TSPAN2: variants seen among roughly 807,000 people sequenced by gnomAD.
TSPAN2 encodes tetraspanin 2, also known as tetraspanin-2.
In TSPAN2, 24 loss-of-function variants were observed where a neutral mutation model predicts 33.3. The observed-to-expected ratio is 0.72, with a 90% CI of 0.52 to 1.01. The LOEUF (loss-of-function observed/expected upper bound fraction) is 1.01. TSPAN2 is among the 50% of genes least tolerant of loss of function. The pLI, the probability that TSPAN2 is intolerant of heterozygous loss-of-function variation, is 0.00. For synonymous variants in TSPAN2, 114 were observed against 104.5 expected (o/e 1.09, Z -0.56); for missense variants, 278 against 281.3 (o/e 0.99, Z 0.08).
chr1:115,054,294 C>T (rs2101022153), intron 6 of TSPAN2, among the ~76,000 whole-genome samples: 1 of 152,332 alleles, frequency 6.6e-6, no homozygotes, highest in African/African-American at 2.4e-5. Context: ...AAAACCCTTA[C>T]TTCTCTCTTC....
chr1:115,052,645 C>T (rs949766334), intron 7 of TSPAN2, among the ~76,000 whole-genome samples: 3 of 152,146 alleles, frequency 2.0e-5, no homozygotes, highest in Middle Eastern at 3.2e-3. Flanking sequence ...TCCATTCTTC[C>T]CACACACTCT....
At chr1:115,057,344 T>G (rs1647469923) in intron 6 of TSPAN2, among the ~76,000 whole-genome samples, 193 bp downstream of exon 6, 1 of 152,216 alleles carries the variant, frequency 6.6e-6, no homozygotes, top group African/African-American at 2.4e-5. Flanking sequence ...TAACATCTCT[T>G]GCTAACAACA....
intron 1 of TSPAN2, among the ~76,000 whole-genome samples, chr1:115,081,235 G>T (rs185239608): frequency 1.4e-4 from 22 of 152,250 alleles, no homozygotes; most frequent in African/African-American, 5.3e-4. Context: ...GTGCAGCACT[G>T]GTCCATTCAC....
intron 6 of TSPAN2, among the ~76,000 whole-genome samples, chr1:115,056,540 C>T (rs964933027): frequency 6.6e-6 from 1 of 152,190 alleles, no homozygotes; most frequent in African/African-American, 2.4e-5. Flanking sequence ...GCAGGCCTCC[C>T]CCTCCCGCTT....
At chr1:115,066,694 AT>A (rs1219561457) in intron 2 of TSPAN2, among the ~76,000 whole-genome samples, 1 of 152,094 alleles carries the variant, frequency 6.6e-6, no homozygotes, top group Non-Finnish European at 1.5e-5. Flanking sequence ...TTTATTTGAA[AT>A]TTTTTTATGT....
chr1:115,075,160 C>G (rs1403952632), intron 1 of TSPAN2, among the ~76,000 whole-genome samples: 1 of 152,140 alleles, frequency 6.6e-6, no homozygotes, highest in Non-Finnish European at 1.5e-5. Flanking sequence ...AGACAGAATA[C>G]ATTTGTCCAG....
intron 3 of TSPAN2, among the ~76,000 whole-genome samples, chr1:115,060,801 T>C (rs1041679735): frequency 7.2e-5 from 11 of 152,258 alleles, no homozygotes; most frequent in Admixed American, 6.5e-4. Flanking sequence ...ACGATAACTG[T>C]GTAAAGAAGT....
chr1:115,072,480 C>T, intron 2 of TSPAN2, among the ~76,000 whole-genome samples: 1 of 152,188 alleles, frequency 6.6e-6, no homozygotes, highest in East Asian at 1.9e-4. Context: ...TACAGGGGTC[C>T]CGTGTCACCC....
chr1:115,051,689 T>C (rs1326696249), intron 7 of TSPAN2, among the ~76,000 whole-genome samples: 1 of 152,142 alleles, frequency 6.6e-6, no homozygotes, highest in Non-Finnish European at 1.5e-5. Context: ...GATCTGTAAG[T>C]GCTAAATTCA....
intron 1 of TSPAN2, among the ~76,000 whole-genome samples, chr1:115,085,632 C>T (rs1648804390): frequency 6.6e-6 from 1 of 152,142 alleles, no homozygotes; most frequent in African/African-American, 2.4e-5. Flanking sequence ...TATCCCCCAC[C>T]CCTTTCCCAA....
Position 115,089,408 on chromosome 1 carries a change from G to A in TSPAN2, c.25C>T (p.Arg9Trp), listed in dbSNP as rs1161475718. 35 of 1,587,896 alleles carry A rather than the reference G, an allele frequency of 2.2e-5. No individual in the cohort carries two copies. Among genetic ancestry groups the A allele is most frequent in the Non-Finnish European group, 2.8e-5 (33 of 1,168,832 alleles). Residue 9 changes from arginine to tryptophan, a missense_variant, in exon 1 of 8, where the codon CGG (arginine) becomes TGG (tryptophan). Physicochemically the swap from Arg to Trp is moderately radical, Grantham distance 101. Transcript: ENST00000369516. ...CCAAGCAGCAGGTACTTGATGCACC[G>A]CAGGCCCCCGCGGAAGCGCCCCATG... MGRFRGGLRCIKYLLLGFN... is the reference protein window; with the variant it reads MGRFRGGLWCIKYLLLGFN...
At chr1:115,086,132 A>G (rs1283961793) in intron 1 of TSPAN2, among the ~76,000 whole-genome samples, 3 of 152,220 alleles carry the variant, frequency 2.0e-5, no homozygotes, top group Non-Finnish European at 4.4e-5. Context: ...CTATGTGCCG[A>G]TAACAAAAAT....
At position 115,048,267 on chromosome 1, in the gene TSPAN2, G is replaced by A. The variant is rs1404639058; in HGVS notation, c.*2223C>T. On this transcript the variant is annotated 3_prime_UTR_variant, in exon 8 of 8. Coordinates refer to ENST00000369516, the MANE Select transcript of TSPAN2 (RefSeq NM_005725.6). ...ATATTTGTAGATTCAAGATATATAG[G>A]GATTATATATCTATATATATTATAT... 2.8e-5 allele frequency: 4 copies of A among 140,848 alleles called. No individual in the cohort carries two copies. Among genetic ancestry groups the A allele is most frequent in the African/African-American group, 2.6e-5 (1 of 38,042 alleles). 8.7% of individuals were successfully genotyped at this position (140,848 alleles called of 1,614,324 possible).
At chr1:115,080,438 A>AT (rs1486311047) in intron 1 of TSPAN2, among the ~76,000 whole-genome samples, 1 of 151,794 alleles carries the variant, frequency 6.6e-6, no homozygotes, top group Non-Finnish European at 1.5e-5. Flanking sequence ...ACATCCAGCT[A>AT]TTTTTTTCTA....
chr1:115,088,601 C>G (rs1648931191), intron 1 of TSPAN2, among the ~76,000 whole-genome samples: 1 of 152,108 alleles, frequency 6.6e-6, no homozygotes, highest in African/African-American at 2.4e-5. Context: ...AACCATGAAT[C>G]CTGGGAACGC....
intron 1 of TSPAN2, among the ~76,000 whole-genome samples, chr1:115,081,945 T>C (rs1311410178): frequency 6.6e-6 from 1 of 152,238 alleles, no homozygotes; most frequent in Non-Finnish European, 1.5e-5. Context: ...AGAAAGTCAG[T>C]AGCCTTTTGT....
At chr1:115,073,722 C>T (rs1289416985) in intron 1 of TSPAN2, among the ~76,000 whole-genome samples, 1 of 151,632 alleles carries the variant, frequency 6.6e-6, no homozygotes, top group Non-Finnish European at 1.5e-5. Context: ...TCTGAAAAAG[C>T]GTGGTCTGTG....
chr1:115,049,160 GC>G lies in TSPAN2; in HGVS notation c.*1329del, dbSNP rs1675241629. 1 of 152,060 alleles carries G rather than the reference GC, an allele frequency of 6.6e-6. No homozygotes were observed. The highest frequency in any genetic ancestry group is 6.5e-5 in the Admixed American group (1 of 15,274). 9.4% of individuals were successfully genotyped at this position (152,060 alleles called of 1,614,324 possible). Reference sequence around the variant, plus strand: ...CACGTTAAAAATCACTGAAAAATTTGCCAATGTAAATCCTAAATTTGGGTTT... The same window carrying G: ...CACGTTAAAAATCACTGAAAAATTTGCAATGTAAATCCTAAATTTGGGTTT... On this transcript the variant is annotated 3_prime_UTR_variant, in exon 8 of 8. Coordinates refer to ENST00000369516, the MANE Select transcript of TSPAN2 (RefSeq NM_005725.6).
chr1:115,050,367 TA>T lies in TSPAN2; in HGVS notation c.*122del, dbSNP rs1250371490. ...CCAAACATACGTACTCATGCAAATG[TA>T]CAATTGACAGCAAATTATTTTAGAT... On this transcript the variant is annotated 3_prime_UTR_variant, in exon 8 of 8. Transcript: ENST00000369516. 30 of 893,926 alleles carry T rather than the reference TA, an allele frequency of 3.4e-5. No homozygotes were observed. In the African/African-American group the frequency reaches 3.7e-4, roughly 11 times the overall value. The allele number at this position is 893,926 out of a possible 1,614,324, so 55.4% of individuals were successfully genotyped here. A position where few individuals can be genotyped will look rare whatever the true frequency, so the allele number is the denominator to read the frequency against.
Sources: allele counts gnomAD v4.1 joint callset (sites outside exome capture counted in the v4.1 genomes callset), GRCh38; gene constraint gnomAD v4.1.1; transcripts MANE v1.5; gene names NCBI Gene and HGNC (gene_info 2026-07-23, HGNC 2026-07-21).